CAMK2D: variants seen among roughly 807,000 people sequenced by gnomAD.
The protein encoded by CAMK2D is calcium/calmodulin dependent protein kinase II delta.
In CAMK2D, 37 loss-of-function variants were observed where a neutral mutation model predicts 84.0. That is an observed-to-expected ratio of 0.44 (90% CI 0.34 to 0.58). CAMK2D has a LOEUF of 0.58. CAMK2D is among the 20% of genes least tolerant of loss of function. CAMK2D has a pLI of 0.02. For missense variants in CAMK2D, 448 were observed against 652.5 expected (o/e 0.69, Z 3.41); for synonymous variants, 202 against 212.5 (o/e 0.95, Z 0.43).
At chr4:113,513,283 A>T (rs1328215957) in intron 12 of CAMK2D, 45 bp downstream of exon 12, 1 of 1,596,598 alleles carries the variant, frequency 6.3e-7, no homozygotes, top group Non-Finnish European at 8.5e-7. Context: ...AGACTACTTA[A>T]AAAGAAGACC....
chr4:113,652,732 T>C (rs1269573846), intron 3 of CAMK2D, among the ~76,000 whole-genome samples: 1 of 152,158 alleles, frequency 6.6e-6, no homozygotes, highest in African/African-American at 2.4e-5. Flanking sequence ...CTACCCTGAA[T>C]GTAGTGGAGA....
intron 2 of CAMK2D, among the ~76,000 whole-genome samples, chr4:113,701,931 G>A (rs1178378144): frequency 1.3e-5 from 2 of 152,124 alleles, no homozygotes; most frequent in African/African-American, 2.4e-5. Context: ...GAACTCCTGG[G>A]TTCATGTGAT....
At chr4:113,490,578 A>G (rs2154137943) in intron 16 of CAMK2D, among the ~76,000 whole-genome samples, 1 of 148,324 alleles carries the variant, frequency 6.7e-6, no homozygotes, top group East Asian at 2.0e-4. Context: ...AGGTAGTGTG[A>G]TGCCTCCAGC....
intron 3 of CAMK2D, among the ~76,000 whole-genome samples, chr4:113,657,099 T>G (rs747045427): frequency 2.0e-4 from 30 of 152,124 alleles, no homozygotes; most frequent in Non-Finnish European, 4.4e-4. Flanking sequence ...ACCCCCTCAC[T>G]CTGCTCCTTG....
intron 4 of CAMK2D, among the ~76,000 whole-genome samples, chr4:113,564,516 C>T (rs546607032): frequency 3.3e-5 from 5 of 152,122 alleles, no homozygotes; most frequent in African/African-American, 2.4e-5. Context: ...AATTTCACAC[C>T]GAGACCATCT....
chr4:113,495,793 C>A (rs1590168101), intron 16 of CAMK2D, among the ~76,000 whole-genome samples: 1 of 152,082 alleles, frequency 6.6e-6, no homozygotes, highest in Non-Finnish European at 1.5e-5. Context: ...AAGGGCTCCA[C>A]TTTCCTAGAT....
intron 4 of CAMK2D, among the ~76,000 whole-genome samples, chr4:113,607,947 T>A (rs2098985016): frequency 1.3e-5 from 2 of 152,250 alleles, no homozygotes; most frequent in Admixed American, 1.3e-4. Context: ...TCAATGCCAG[T>A]TGTAATTTCA....
intron 12 of CAMK2D, among the ~76,000 whole-genome samples, chr4:113,511,883 T>C (rs1397824479): frequency 1.3e-5 from 2 of 152,204 alleles, no homozygotes; most frequent in African/African-American, 2.4e-5. Context: ...TTATTTGTAA[T>C]GAAATGCAAA....
intron 3 of CAMK2D, among the ~76,000 whole-genome samples, chr4:113,634,916 C>A (rs1394089422): frequency 1.3e-5 from 2 of 152,086 alleles, no homozygotes; most frequent in Non-Finnish European, 2.9e-5. Flanking sequence ...CTCTCTTTAC[C>A]TAAAATATGC....
intron 2 of CAMK2D, among the ~76,000 whole-genome samples, chr4:113,736,439 G>A (rs1031352933): frequency 6.6e-6 from 1 of 152,128 alleles, no homozygotes; most frequent in Non-Finnish European, 1.5e-5. Flanking sequence ...TACTACAAAA[G>A]TTAATCAGCT....
intron 2 of CAMK2D, among the ~76,000 whole-genome samples, chr4:113,748,949 T>C (rs1490153416): frequency 6.6e-6 from 1 of 151,898 alleles, no homozygotes; most frequent in Non-Finnish European, 1.5e-5. Context: ...TATTAATGTT[T>C]AGTATTAAAG....
chr4:113,634,712 T>A (rs2099103237), intron 3 of CAMK2D, among the ~76,000 whole-genome samples: 1 of 152,216 alleles, frequency 6.6e-6, no homozygotes, highest in African/African-American at 2.4e-5. Flanking sequence ...TTCTTGGGCA[T>A]TGATTCTGTG....
chr4:113,544,295 A>G (rs2098552134), intron 6 of CAMK2D, among the ~76,000 whole-genome samples: 1 of 152,168 alleles, frequency 6.6e-6, no homozygotes, highest in African/African-American at 2.4e-5. Context: ...AGGCAGGACT[A>G]TTTTAACCTT....
At chr4:113,477,232 GC>G (rs1215012638) in intron 16 of CAMK2D, among the ~76,000 whole-genome samples, 3 of 152,116 alleles carry the variant, frequency 2.0e-5, no homozygotes, top group Non-Finnish European at 4.4e-5. Flanking sequence ...AGACTCGTAG[GC>G]CCAAGAGCCA....
At chr4:113,494,736 A>G (rs1479992028) in intron 16 of CAMK2D, among the ~76,000 whole-genome samples, 5 of 152,074 alleles carry the variant, frequency 3.3e-5, no homozygotes, top group Admixed American at 6.5e-5. Flanking sequence ...CCCCTCCCCC[A>G]GCCTCGCTGC....
At chr4:113,650,695 T>C (rs756068837) in intron 3 of CAMK2D, among the ~76,000 whole-genome samples, 2 of 152,118 alleles carry the variant, frequency 1.3e-5, no homozygotes, top group African/African-American at 2.4e-5. Flanking sequence ...AAATGAAAAA[T>C]AGATAAGACA....
At chr4:113,720,364 T>TCACA (rs1491434615) in intron 2 of CAMK2D, among the ~76,000 whole-genome samples, 8 of 106,034 alleles carry the variant, frequency 7.5e-5, no homozygotes, top group South Asian at 3.1e-4. Context: ...ACAATCACAT[T>TCACA]CTCACACACA....
intron 2 of CAMK2D, among the ~76,000 whole-genome samples, chr4:113,710,125 T>G (rs2099487444): frequency 6.6e-6 from 1 of 152,026 alleles, no homozygotes; most frequent in Non-Finnish European, 1.5e-5. Context: ...TAGGGTATTT[T>G]GACAAGACTT....
intron 8 of CAMK2D, among the ~76,000 whole-genome samples, chr4:113,527,716 C>A (rs995912158): frequency 6.6e-6 from 1 of 151,972 alleles, no homozygotes; most frequent in Non-Finnish European, 1.5e-5. Flanking sequence ...AAAACTTATA[C>A]ATTATAAAAA....
Sources: allele counts gnomAD v4.1 joint callset (sites outside exome capture counted in the v4.1 genomes callset), GRCh38; gene constraint gnomAD v4.1.1; transcripts MANE v1.5; gene names NCBI Gene and HGNC (gene_info 2026-07-23, HGNC 2026-07-21).